Variants in CENPN observed in about 807,000 individuals in gnomAD.
CENPN encodes the protein centromere protein N.
Under a neutral mutation model 48.6 loss-of-function variants are expected in CENPN, and 36 were observed. The observed-to-expected ratio is 0.74, with a 90% CI of 0.57 to 0.98. The LOEUF is 0.98. CENPN is among the 50% of genes least tolerant of loss of function. CENPN has a pLI of 0.00. For synonymous variants in CENPN, 166 were observed against 135.2 expected, an observed-to-expected ratio of 1.23 and a Z score of -1.58; for missense variants, 439 against 399.2, an observed-to-expected ratio of 1.10 and a Z score of -0.85.
rs533220853 is a variant in CENPN at position 81,025,382 on chromosome 16, A to T, written c.697+604A>T. On this transcript the variant is annotated intron_variant, in intron 8 of 10. Coordinates refer to ENST00000305850, the MANE Select transcript of CENPN (RefSeq NM_001100624.3). ...AAGTGGTGGGGTAAAATAAAAATTC[A>T]TAAAAAAATGAAAACTTTCCTATCT... Among the ~76,000 whole-genome samples the T allele has an allele frequency of 9.8e-5, 15 of 152,360 alleles. 1 individual carries two copies. In the East Asian group the frequency reaches 2.9e-3, roughly 29 times the overall value.
intron 2 of CENPN, among the ~76,000 whole-genome samples, chr16:81,012,847 G>A (rs192405159): frequency 1.4e-4 from 21 of 152,248 alleles, no homozygotes; most frequent in Admixed American, 1.3e-3. Context: ...TGCTCACTTT[G>A]GCCTCCCAAA....
intron 8 of CENPN, among the ~76,000 whole-genome samples, chr16:81,025,779 T>A (rs1389679972): frequency 1.3e-5 from 2 of 150,824 alleles, no homozygotes; most frequent in African/African-American, 4.9e-5. Flanking sequence ...TTCAGCTCAC[T>A]GCAACCTCTG....
chr16:81,008,432 C>T (rs1209388950), intron 1 of CENPN, among the ~76,000 whole-genome samples: 2 of 151,902 alleles, frequency 1.3e-5, no homozygotes, highest in African/African-American at 4.8e-5. Context: ...AGGGCAGTGG[C>T]ACGTTCTCGG....
intron 9 of CENPN, 37 bp from the exon 10 acceptor site, chr16:81,028,134 A>G (rs375340651): frequency 5.6e-5 from 81 of 1,435,692 alleles, no homozygotes; most frequent in Non-Finnish European, 7.1e-5. Context: ...TATTTATACA[A>G]TATGTTTAAT....
Position 81,029,629 on chromosome 16 carries a change from G to T in CENPN, c.*978G>T, listed in dbSNP as rs529061484. Among the ~76,000 whole-genome samples, 1 of 152,208 alleles carries T rather than the reference G, an allele frequency of 6.6e-6. No homozygotes were observed. Among genetic ancestry groups the T allele is most frequent in the Admixed American group, 6.5e-5 (1 of 15,274 alleles). On this transcript the variant is annotated 3_prime_UTR_variant, in exon 11 of 11. Coordinates refer to ENST00000305850, the MANE Select transcript of CENPN (RefSeq NM_001100624.3). ...CTCCTTCTATCGCCCAGGCTGGAGTGCAATGGCACAATCTTGGCTCCCTGC... is the reference window on the plus strand; with the variant it reads ...CTCCTTCTATCGCCCAGGCTGGAGTTCAATGGCACAATCTTGGCTCCCTGC...
intron 9 of CENPN, among the ~76,000 whole-genome samples, chr16:81,027,619 ACAGT>A (rs1406195344): frequency 3.9e-5 from 6 of 152,352 alleles, no homozygotes; most frequent in African/African-American, 1.4e-4. Context: ...GGTGGAACTG[ACAGT>A]CAGTATCTCC....
chr16:81,017,692 C>T (rs1188112565), intron 4 of CENPN, 66 bp from the exon 5 acceptor site: 97 of 1,099,886 alleles, frequency 8.8e-5, no homozygotes, highest in East Asian at 2.1e-4. Flanking sequence ...TGGTACTTTA[C>T]GAATGTATTT....
intron 4 of CENPN, 56 bp downstream of exon 4, chr16:81,017,441 C>T: frequency 8.3e-7 from 1 of 1,206,482 alleles, no homozygotes; most frequent in Non-Finnish European, 1.2e-6. Context: ...ACTCAGGAAG[C>T]AGAGGTTACA....
intron 3 of CENPN, among the ~76,000 whole-genome samples, chr16:81,015,700 G>A (rs539291883): frequency 6.6e-6 from 1 of 152,240 alleles, no homozygotes; most frequent in African/African-American, 2.4e-5. Context: ...CTCATACATT[G>A]ATTCAAAAAT....
Position 81,029,163 on chromosome 16 carries a change from T to C in CENPN, c.*512T>C. The C allele has an allele frequency of 1.0e-6, 1 of 984,878 alleles. No individual in the cohort carries two copies. Among genetic ancestry groups the C allele is most frequent in the Non-Finnish European group, 1.2e-6 (1 of 829,412 alleles). The allele number at this position is 984,878 out of a possible 1,614,324, so 61.0% of individuals were successfully genotyped here. On this transcript the variant is annotated 3_prime_UTR_variant, in exon 11 of 11. Transcript: ENST00000305850. ...GATGGAGTTGAGTCCATTCTGTTAT[T>C]GTTGCAAGAGGTTGCATATTTGGTG...
chr16:81,030,231 G>T lies in CENPN; in HGVS notation c.*1580G>T, dbSNP rs115350560. 1 of 985,380 alleles carries T rather than the reference G, an allele frequency of 1.0e-6. No individual in the cohort carries two copies. The highest frequency in any genetic ancestry group is 6.1e-5 in the Admixed American group (1 of 16,280). The allele number at this position is 985,380 out of a possible 1,614,324, so 61.0% of individuals were successfully genotyped here. On this transcript the variant is annotated 3_prime_UTR_variant, in exon 11 of 11. Coordinates refer to ENST00000305850, the MANE Select transcript of CENPN (RefSeq NM_001100624.3). ...ATCACAGGCATGAGCTACCACGCCC[G>T]CCAGCATGTCTTTTTTAAACATTTT...
chr16:81,022,629 T>A lies in CENPN; in HGVS notation c.564T>A (p.Ile188=). Residue 188 remains isoleucine (I), a synonymous_variant, in exon 7 of 11, where the codon ATT becomes ATA. Coordinates refer to ENST00000305850, the MANE Select transcript of CENPN (RefSeq NM_001100624.3). ...CAATTGCTAGCAAACACCATCAGAT[T>A]GTGAAAATGGACCTGAGAAGTCGGT... ...ALTIASKHHQ[I]VKMDLRSRYL... is the part of the protein sequence containing the mutation. 1 of 1,614,082 alleles carries A rather than the reference T, an allele frequency of 6.2e-7. No individual in the cohort carries two copies. The highest frequency in any genetic ancestry group is 1.1e-5 in the South Asian group (1 of 91,086).
intron 7 of CENPN, chr16:81,023,872 AGAT>A (rs1439870063): frequency 6.6e-6 from 1 of 152,240 alleles, no homozygotes; most frequent in Admixed American, 6.5e-5. Context: ...CAAAGTCAGG[AGAT>A]CAAGACCATC....
intron 5 of CENPN, 80 bp from the exon 6 acceptor site, chr16:81,020,020 C>T: frequency 7.8e-7 from 1 of 1,284,574 alleles, no homozygotes; most frequent in Non-Finnish European, 1.1e-6. Context: ...TCATTGTTCA[C>T]CCCTAATAAG....
chr16:81,032,752 T>A (rs75763441), downstream of CENPN: 1,452 of 1,522,342 alleles, frequency 9.5e-4, 13 homozygotes, highest in African/African-American at 0.018. Context: ...ATGTCTCTCC[T>A]GATATACAGC....
rs1970740775 is a variant in CENPN, at chr16:81,030,860, A to T, written c.*2209A>T. On this transcript the variant is annotated 3_prime_UTR_variant, in exon 11 of 11. Transcript: ENST00000305850. ...AGAGTTTGAGACTAGCCTTAGCAAC[A>T]TGGTGAAGGTGAACCCCGACTCTAC... The T allele has an allele frequency of 6.6e-6, 1 of 152,150 alleles. No homozygotes were observed. Among genetic ancestry groups the T allele is most frequent in the Non-Finnish European group, 1.5e-5 (1 of 68,088 alleles). 9.4% of individuals were successfully genotyped at this position (152,150 alleles called of 1,614,324 possible).
intron 1 of CENPN, among the ~76,000 whole-genome samples, chr16:81,007,755 A>G (rs904551053): frequency 3.3e-5 from 5 of 152,186 alleles, no homozygotes; most frequent in African/African-American, 1.2e-4. Context: ...CATGCGTTCC[A>G]CAGATCTTGA....
rs545901937 is a variant in CENPN at position 81,008,718 on chromosome 16, C to T, written c.-11+1441C>T. 5.9e-5 allele frequency among the ~76,000 whole-genome samples: 9 copies of T among 152,296 alleles called. No individual in the cohort carries two copies. In the South Asian group the frequency reaches 1.4e-3, roughly 25 times the overall value. ...GAACCCCAAACCACCCAGGTTGTCT[C>T]CTCAGGCATTCATTCCACAAGTATT... On this transcript the variant is annotated intron_variant, in intron 1 of 10. Transcript: ENST00000305850.
At chr16:81,015,328 C>A (rs1317547970) in intron 3 of CENPN, among the ~76,000 whole-genome samples, 2 of 152,226 alleles carry the variant, frequency 1.3e-5, no homozygotes, top group East Asian at 3.8e-4. Flanking sequence ...GGCTCCGTTA[C>A]TGCCTCCCTG....
Sources: gnomAD v4.1 joint callset for allele counts (sites outside exome capture counted in the v4.1 genomes callset) on GRCh38, gnomAD v4.1.1 for gene constraint, MANE v1.5 for transcripts, NCBI Gene and HGNC (gene_info 2026-07-23, HGNC 2026-07-21) for gene names.